The following ULK4 variants were observed in gnomAD, a reference collection of about 807,000 sequenced individuals.
The protein encoded by ULK4 is inactive serine/threonine-protein kinase ULK4.
In ULK4, 133 loss-of-function variants were observed where a neutral mutation model predicts 160.6. That is an observed-to-expected ratio of 0.83 (90% CI 0.72 to 0.96). The LOEUF (loss-of-function observed/expected upper bound fraction) is 0.96, where lower values mean the gene tolerates loss of function less well. Ranked by LOEUF, ULK4 falls within the 40% of genes least tolerant of loss-of-function variation. ULK4 has a pLI of 0.00. For synonymous variants in ULK4, 534 were observed against 539.8 expected (o/e 0.99, Z 0.15); for missense variants, 1,580 against 1,499.5 (o/e 1.05, Z -0.89).
intron 35 of ULK4, among the ~76,000 whole-genome samples, 171 bp from the exon 36 acceptor site, chr3:41,249,745 T>C (rs1559486443): frequency 6.6e-6 from 1 of 151,854 alleles, no homozygotes; most frequent in Non-Finnish European, 1.5e-5. Context: ...CCCCACAGAG[T>C]GTTGCTGACC....
chr3:41,469,331 C>G (rs2083912567), intron 32 of ULK4, among the ~76,000 whole-genome samples: 1 of 152,114 alleles, frequency 6.6e-6, no homozygotes, highest in Admixed American at 6.5e-5. Context: ...CTCCTGCAAC[C>G]CTGTTCAACT....
intron 1 of ULK4, among the ~76,000 whole-genome samples, chr3:41,961,605 G>A (rs1700676301): frequency 1.4e-5 from 2 of 146,816 alleles, no homozygotes; most frequent in South Asian, 2.1e-4. Context: ...CGAATCGGCG[G>A]CTTTCGCGGC....
chr3:41,264,288 G>C (rs2078993068), intron 35 of ULK4, among the ~76,000 whole-genome samples: 1 of 152,238 alleles, frequency 6.6e-6, no homozygotes, highest in African/African-American at 2.4e-5. Flanking sequence ...GCAACAGGAT[G>C]AGGCACAACA....
Position 41,411,530 on chromosome 3 carries a change from T to C in ULK4, c.3493-13266A>G, listed in dbSNP as rs185385519. On this transcript the variant is annotated intron_variant, in intron 34 of 36. Transcript: ENST00000301831. ...GCAACCTCTGCCTCCGGGGTTCAAG[T>C]GATTCTCCTGCCTCAGCCTCCCAAG... 4.0e-5 allele frequency among the ~76,000 whole-genome samples: 6 copies of C among 151,750 alleles called. No homozygotes were observed. The East Asian group carries it at 1.2e-3, about 30-fold the overall frequency.
At chr3:41,826,209 A>T (rs2041346451) in intron 18 of ULK4, among the ~76,000 whole-genome samples, 1 of 152,344 alleles carries the variant, frequency 6.6e-6, no homozygotes, top group East Asian at 1.9e-4. Flanking sequence ...AAAACATGCC[A>T]AATTGTAAAG....
intron 34 of ULK4, among the ~76,000 whole-genome samples, chr3:41,428,376 T>C (rs1317016597): frequency 6.6e-6 from 1 of 152,058 alleles, no homozygotes; most frequent in Non-Finnish European, 1.5e-5. Flanking sequence ...CTATTCCCAT[T>C]AAACTACCAT....
chr3:41,559,959 T>C (rs2087501706), intron 32 of ULK4, among the ~76,000 whole-genome samples: 1 of 152,230 alleles, frequency 6.6e-6, no homozygotes, highest in Admixed American at 6.5e-5. Context: ...ATGTCCTAAA[T>C]GGTATTGCCT....
intron 4 of ULK4, among the ~76,000 whole-genome samples, chr3:41,935,359 T>G (rs1699739872): frequency 6.6e-6 from 1 of 152,040 alleles, no homozygotes. Flanking sequence ...CTCAGATAGT[T>G]GGGACTACAG....
chr3:41,773,095 C>T (rs1182338542), intron 21 of ULK4, among the ~76,000 whole-genome samples: 1 of 152,170 alleles, frequency 6.6e-6, no homozygotes, highest in Admixed American at 6.5e-5. Flanking sequence ...CTATCTATGA[C>T]AAACCCACAG....
At chr3:41,645,975 T>C (rs1026333962) in intron 30 of ULK4, among the ~76,000 whole-genome samples, 2 of 152,214 alleles carry the variant, frequency 1.3e-5, no homozygotes, top group Admixed American at 1.3e-4. Context: ...TTGATCTTTG[T>C]TGGTTTAAAG....
In ULK4 at chr3:41,681,415, T is replaced by C. The variant is rs560226084; in HGVS notation, c.2978+93A>G. ...GCATATGTGTATAAACATAAGGACA[T>C]CAAGACCCCAACCCCATCACTGAAC... is the stretch of plus-strand genomic sequence containing the variant. On this transcript the variant is annotated intron_variant, in intron 29 of 36. Transcript: ENST00000301831. The C allele has an allele frequency of 9.7e-6, 15 of 1,542,224 alleles. No homozygotes were observed. In the Admixed American group the frequency reaches 2.6e-4, roughly 26 times the overall value.
intron 17 of ULK4, among the ~76,000 whole-genome samples, chr3:41,873,825 AT>A (rs929268576): frequency 4.6e-5 from 7 of 150,956 alleles, no homozygotes; most frequent in Non-Finnish European, 2.9e-5. Flanking sequence ...AAGTGCTGGG[AT>A]TACAGGCATG....
chr3:41,678,084 C>T (rs185357914), intron 29 of ULK4, among the ~76,000 whole-genome samples: 16 of 152,164 alleles, frequency 1.1e-4, no homozygotes, highest in Admixed American at 3.9e-4. Flanking sequence ...ATCACAGGCT[C>T]TCCTGGGTCT....
intron 30 of ULK4, among the ~76,000 whole-genome samples, chr3:41,658,657 T>C (rs2035028098): frequency 6.6e-6 from 1 of 151,898 alleles, no homozygotes; most frequent in Non-Finnish European, 1.5e-5. Flanking sequence ...TACATTTCAA[T>C]AAAACTGTTA....
intron 35 of ULK4, among the ~76,000 whole-genome samples, chr3:41,336,537 C>T (rs898315391): frequency 1.3e-5 from 2 of 152,206 alleles, no homozygotes; most frequent in Non-Finnish European, 2.9e-5. Context: ...TGCCTTATGG[C>T]GTAAGGCGAG....
intron 35 of ULK4, among the ~76,000 whole-genome samples, chr3:41,352,083 A>T (rs2080922216): frequency 6.6e-6 from 1 of 152,208 alleles, no homozygotes; most frequent in South Asian, 2.1e-4. Context: ...AAAAAGGTTG[A>T]GCAACACTGC....
intron 30 of ULK4, among the ~76,000 whole-genome samples, chr3:41,616,503 C>T (rs1240606641): frequency 1.3e-5 from 2 of 152,172 alleles, no homozygotes; most frequent in South Asian, 2.1e-4. Context: ...ATAGCAGAAG[C>T]AGGGTGGGGC....
intron 31 of ULK4, among the ~76,000 whole-genome samples, chr3:41,593,848 C>T (rs989840994): frequency 3.3e-5 from 5 of 151,518 alleles, no homozygotes; most frequent in African/African-American, 9.7e-5. Flanking sequence ...CTGGGCAACA[C>T]GGTGAAACCC....
chr3:41,403,587 AT>A (rs757349681), intron 34 of ULK4, among the ~76,000 whole-genome samples: 29 of 151,480 alleles, frequency 1.9e-4, no homozygotes, highest in Admixed American at 3.3e-4. Flanking sequence ...TTTCAAATTC[AT>A]TGATTTCTGG....
Sources: allele counts gnomAD v4.1 joint callset (sites outside exome capture counted in the v4.1 genomes callset), GRCh38; gene constraint gnomAD v4.1.1; transcripts MANE v1.5; gene names NCBI Gene and HGNC (gene_info 2026-07-23, HGNC 2026-07-21).